PEX1: variants seen among roughly 807,000 people sequenced by gnomAD.
PEX1 encodes peroxisomal biogenesis factor 1.
A neutral mutation model predicts 152.5 loss-of-function variants in PEX1; 97 were observed. That is an observed-to-expected ratio of 0.64 (90% CI 0.54 to 0.75). PEX1 has a LOEUF of 0.75. Among genes scored for constraint, PEX1 ranks in the 30% least tolerant of loss-of-function variants. The pLI is 0.00. For missense variants in PEX1, 1,357 were observed against 1,516.3 expected (o/e 0.89, Z 1.74); for synonymous variants, 485 against 531.6 (o/e 0.91, Z 1.21).
At position 92,491,437 on chromosome 7, in the gene PEX1, A is replaced by G. The variant is rs2116059800; in HGVS notation, c.3273T>C (p.Ser1091=). Residue 1091 remains serine (S), a synonymous_variant, in exon 21 of 24, where the codon AGT becomes AGC. Transcript: ENST00000248633. ...CATCTCCAGCTGAATCGTCAGAGCC[A>G]CTGCTATGGTTAAGAAAGACCATTG... ...LSSMVFLNHS[S]GSDDSAGDGE... is the part of the protein sequence containing the mutation. The G allele has an allele frequency of 6.2e-7, 1 of 1,613,966 alleles. No homozygotes were observed. The highest frequency in any genetic ancestry group is 1.3e-5 in the African/African-American group (1 of 75,064).
chr7:92,522,057 A>G, intron 2 of PEX1, 45 bp downstream of exon 2: 1 of 1,580,010 alleles, frequency 6.3e-7, no homozygotes, highest in South Asian at 1.1e-5. Context: ...CTATTGCTAT[A>G]TTATGTGATA....
chr7:92,502,166 A>T (rs1330034922), intron 13 of PEX1, 87 bp from the exon 14 acceptor site: 8 of 973,670 alleles, frequency 8.2e-6, no homozygotes, highest in South Asian at 3.0e-5. Flanking sequence ...CAGGTTGACA[A>T]ATCTATAGTG....
At position 92,501,968 on chromosome 7, in the gene PEX1, C is replaced by G; in HGVS notation, c.2338G>C (p.Val780Leu). The G allele has an allele frequency of 5.6e-6, 9 of 1,613,994 alleles. No homozygotes were observed. The highest frequency in any genetic ancestry group is 7.6e-6 in the Non-Finnish European group (9 of 1,179,876). Residue 780 changes from valine to leucine, a missense_variant, in exon 14 of 24, where the codon GTG becomes CTG. By Grantham distance (32) the Val-to-Leu change is conservative (BLOSUM62 1). Coordinates refer to ENST00000248633, the MANE Select transcript of PEX1 (RefSeq NM_000466.3). Reference sequence around the variant, plus strand: ...ACAAGTACTGTAAAATCTCTAGCCACAAACCCGCCAGTTTCTTTAGCTACA... The same window carrying G: ...ACAAGTACTGTAAAATCTCTAGCCAGAAACCCGCCAGTTTCTTTAGCTACA... Reference protein sequence around the residue: ...QHVAKETGGFVARDFTVLVDR... With the variant: ...QHVAKETGGFLARDFTVLVDR...
chr7:92,491,852 T>G (rs929105249), intron 20 of PEX1, among the ~76,000 whole-genome samples: 1 of 152,184 alleles, frequency 6.6e-6, no homozygotes, highest in Non-Finnish European at 1.5e-5. Context: ...TTTCTCATTA[T>G]AGAGAGCTCT....
chr7:92,501,576 A>G lies in PEX1; in HGVS notation c.2514T>C (p.Gly838=). ...CATGTAACCCACCAATCTTGTCCCA[A>G]CCCAGGTCTCTAGGTTTATGCAGGT... ...SVNLHKPRDL[G]WDKIGGLHEV... Residue 838 remains glycine (G), a synonymous_variant, in exon 15 of 24, where the codon GGT becomes GGC. Coordinates refer to ENST00000248633, the MANE Select transcript of PEX1 (RefSeq NM_000466.3). 6.2e-7 allele frequency: 1 copy of G among 1,613,976 alleles called. No homozygotes were observed. The highest frequency in any genetic ancestry group is 8.5e-7 in the Non-Finnish European group (1 of 1,179,884).
chr7:92,515,860 G>GGCGC (rs1792714176), intron 5 of PEX1, among the ~76,000 whole-genome samples: 1 of 151,906 alleles, frequency 6.6e-6, no homozygotes, highest in Admixed American at 6.6e-5. Flanking sequence ...CAGGAGTGGT[G>GGCGC]GCGCACACTT....
chr7:92,507,217 AGTT>A, intron 9 of PEX1, 91 bp from the exon 10 acceptor site: 1 of 1,036,918 alleles, frequency 9.6e-7, no homozygotes, highest in Non-Finnish European at 1.4e-6. Flanking sequence ...TTCCCAGTGT[AGTT>A]AATTAATTTA....
intron 2 of PEX1, among the ~76,000 whole-genome samples, chr7:92,519,901 G>A (rs748223098): frequency 6.6e-6 from 1 of 152,038 alleles, no homozygotes; most frequent in Non-Finnish European, 1.5e-5. Context: ...AAATACTCTA[G>A]GTAACCAACC....
chr7:92,527,933 C>G (rs1341525922), intron 1 of PEX1, among the ~76,000 whole-genome samples: 1 of 152,272 alleles, frequency 6.6e-6, no homozygotes, highest in Non-Finnish European at 1.5e-5. Context: ...TCTCGCGGCC[C>G]GGACGGCAGC....
At chr7:92,527,246 G>C (rs952861436) in intron 1 of PEX1, among the ~76,000 whole-genome samples, 2 of 152,172 alleles carry the variant, frequency 1.3e-5, no homozygotes, top group African/African-American at 2.4e-5. Flanking sequence ...GTTACTGTAA[G>C]AAAGCATTCC....
At chr7:92,501,723 A>G in intron 14 of PEX1, 50 bp from the exon 15 acceptor site, 1 of 1,502,368 alleles carries the variant, frequency 6.7e-7, no homozygotes, top group Non-Finnish European at 9.2e-7. Context: ...TCACTATATG[A>G]ATTTTCAAAA....
In PEX1 at chr7:92,499,741, A is replaced by G. The variant is rs1791831676; in HGVS notation, c.2681T>C (p.Ile894Thr). 2.5e-6 allele frequency: 4 copies of G among 1,613,442 alleles called. No homozygotes were observed. The highest frequency in any genetic ancestry group is 1.3e-5 in the African/African-American group (1 of 74,926). Reference protein sequence around the residue: ...GTGKTLLAGVIARESRMNFIS... With the variant: ...GTGKTLLAGVTARESRMNFIS... ...AAAATTCATTCTACTCTCTCGTGCA[A>G]TTACCCCAGCTAGTAAGGTTTTTCC... is the stretch of plus-strand genomic sequence containing the variant. The change falls in exon 16 of 24, where the codon ATT (isoleucine) becomes ACT (threonine). Residue 894 changes from isoleucine to threonine, a missense_variant. Ile to Thr is a moderately conservative substitution (Grantham distance 89, BLOSUM62 -1). Transcript: ENST00000248633.
chr7:92,493,163 A>G, intron 19 of PEX1, 34 bp from the exon 20 acceptor site: 1 of 1,180,156 alleles, frequency 8.5e-7, no homozygotes, highest in Non-Finnish European at 1.2e-6. Flanking sequence ...ACAAATAAAA[A>G]ATAAAATTAA....
intron 8 of PEX1, among the ~76,000 whole-genome samples, chr7:92,509,905 A>T (rs1481952810): frequency 6.6e-6 from 1 of 152,156 alleles, no homozygotes; most frequent in East Asian, 1.9e-4. Context: ...GCACTTTGGG[A>T]GGCTGAGGAG....
At chr7:92,511,143 T>A in intron 7 of PEX1, 96 bp from the exon 8 acceptor site, 1 of 456,282 alleles carries the variant, frequency 2.2e-6, no homozygotes, top group Non-Finnish European at 3.7e-6. Context: ...GTTAAAGACT[T>A]TTTTTTTTTT....
intron 22 of PEX1, 107 bp from the exon 23 acceptor site, chr7:92,489,530 T>C (rs1791154608): frequency 9.2e-7 from 1 of 1,085,452 alleles, no homozygotes; most frequent in Non-Finnish European, 1.4e-6. Context: ...AGACCATACG[T>C]TCTCTTCCTT....
intron 16 of PEX1, among the ~76,000 whole-genome samples, chr7:92,497,749 T>C (rs1393229594): frequency 1.3e-5 from 2 of 152,022 alleles, no homozygotes; most frequent in African/African-American, 4.8e-5. Flanking sequence ...GTCAGAGAAC[T>C]ATAGGACTAG....
Position 92,494,540 on chromosome 7 carries a change from T to A in PEX1, c.2873A>T (p.Asp958Val), listed in dbSNP as rs943272419. ...RRGHDNTGVT[D>V]RVVNQLLTQL... ...AGTCAGCAACTGGTTAACTACTCGG[T>A]CTGTAACTCCTGTATTATCATGACC... The change falls in exon 18 of 24, where the codon GAC (aspartate) becomes GTC (valine). Residue 958 changes from aspartate (D) to valine (V), a missense_variant. Coordinates refer to ENST00000248633, the MANE Select transcript of PEX1 (RefSeq NM_000466.3). 21 of 1,613,972 alleles carry A rather than the reference T, an allele frequency of 1.3e-5. No homozygotes were observed. Among genetic ancestry groups the A allele is most frequent in the Non-Finnish European group, 1.8e-5 (21 of 1,179,852 alleles).
In PEX1 at chr7:92,509,346, TA is replaced by T; in HGVS notation, c.1652del (p.Leu551Ter). On this transcript the variant is annotated frameshift_variant, in exon 9 of 24. Coordinates refer to ENST00000248633, the MANE Select transcript of PEX1 (RefSeq NM_000466.3). LOFTEE classifies it high-confidence loss of function. ...CTTCTTACCCCAAAGAGCTCAGCTT[TA>T]AAAAAGGAAGAATAAAGTCAATTTC... Reference protein sequence around the residue: ...SEEIDFILPFLKLSSLGGVNS... With the variant: ...SEEIDFILPFXKLSSLGGVNS... 1 of 1,612,430 alleles carries T rather than the reference TA, an allele frequency of 6.2e-7. No individual in the cohort carries two copies. Among genetic ancestry groups the T allele is most frequent in the Non-Finnish European group, 8.5e-7 (1 of 1,178,774 alleles).
Sources: allele counts gnomAD v4.1 joint callset (sites outside exome capture counted in the v4.1 genomes callset), GRCh38; gene constraint gnomAD v4.1.1; transcripts MANE v1.5; gene names NCBI Gene and HGNC (gene_info 2026-07-23, HGNC 2026-07-21).